The following TTC17 variants were observed in gnomAD, a reference collection of about 807,000 sequenced individuals.
The protein encoded by TTC17 is tetratricopeptide repeat domain 17.
TTC17 carries 58 observed loss-of-function variants against 143.8 expected under a neutral mutation model. The observed-to-expected ratio is 0.40, with a 90% CI of 0.33 to 0.50. The LOEUF (loss-of-function observed/expected upper bound fraction) is 0.50, where lower values mean the gene tolerates loss of function less well. TTC17 is among the 20% of genes least tolerant of loss of function. The pLI is 0.49. For missense variants in TTC17, 1,273 were observed against 1,392.5 expected (o/e 0.91, Z 1.37); for synonymous variants, 501 against 497.8 (o/e 1.01, Z -0.09).
chr11:43,380,294 C>T (rs901328868), intron 2 of TTC17, among the ~76,000 whole-genome samples: 8 of 152,220 alleles, frequency 5.3e-5, no homozygotes, highest in Middle Eastern at 3.4e-3. Flanking sequence ...TCACTCTTGT[C>T]GGCCAGGCTG....
At chr11:43,362,651 C>A (rs976964825) in intron 1 of TTC17, among the ~76,000 whole-genome samples, 2 of 152,132 alleles carry the variant, frequency 1.3e-5, no homozygotes, top group African/African-American at 4.8e-5. Context: ...TTCTTTATTG[C>A]CCAGGCTGAA....
chr11:43,491,206 A>T (rs2134495327), intron 22 of TTC17: 1 of 152,348 alleles, frequency 6.6e-6, no homozygotes, highest in Middle Eastern at 3.4e-3. Flanking sequence ...TGGCTGTCAC[A>T]AAGATGGGTC....
rs1320434892 is a variant in TTC17, at chr11:43,490,260, T to C, written c.3052T>C (p.Ser1018Pro). 2 of 1,612,430 alleles carry C rather than the reference T, an allele frequency of 1.2e-6. No homozygotes were observed. Among genetic ancestry groups the C allele is most frequent in the South Asian group, 1.1e-5 (1 of 90,696 alleles). Reference sequence around the variant, plus strand: ...GCAGAACCAGACGTCCTGGGTCCTCTCCAGCATGGCAGCCCTCTACTGGAG... The same window carrying C: ...GCAGAACCAGACGTCCTGGGTCCTCCCCAGCATGGCAGCCCTCTACTGGAG... The part of the protein sequence containing the change: ...LEKNQTSWVL[S>P]SMAALYWRVK... The change falls in exon 22 of 24, where the codon TCC (serine) becomes CCC (proline). Residue 1018 changes from serine (S) to proline (P), a missense_variant. Physicochemically the swap from Ser to Pro is moderately conservative, Grantham distance 74. Coordinates refer to ENST00000039989, the MANE Select transcript of TTC17 (RefSeq NM_018259.6).
chr11:43,409,793 C>T (rs966834934), intron 15 of TTC17, among the ~76,000 whole-genome samples: 5 of 151,932 alleles, frequency 3.3e-5, no homozygotes, highest in African/African-American at 1.2e-4. Flanking sequence ...TCCGTTGTAA[C>T]GTAAAGTTTT....
At position 43,419,026 on chromosome 11, in the gene TTC17, G is replaced by C. The variant is rs74420371; in HGVS notation, c.2251+4250G>C. Among the ~76,000 whole-genome samples the C allele has an allele frequency of 3.6e-3, 553 of 152,046 alleles. 5 individuals carry two copies. The highest frequency in any genetic ancestry group is 6.1e-3 in the Non-Finnish European group (414 of 67,974). On this transcript the variant is annotated intron_variant, in intron 16 of 23. Transcript: ENST00000039989. Reference sequence around the variant, plus strand: ...TCTTATATTAGCATAAAACCAATAGGTTCTATGTATTAGAATTTTATGCCA... The same window carrying C: ...TCTTATATTAGCATAAAACCAATAGCTTCTATGTATTAGAATTTTATGCCA...
At chr11:43,455,389 A>G (rs1947743900) in intron 21 of TTC17, among the ~76,000 whole-genome samples, 1 of 152,048 alleles carries the variant, frequency 6.6e-6, no homozygotes, top group Admixed American at 6.5e-5. Context: ...TTAATTATAC[A>G]GAAAATCAGT....
At chr11:43,363,770 G>C (rs1856212911) in intron 1 of TTC17, among the ~76,000 whole-genome samples, 1 of 152,202 alleles carries the variant, frequency 6.6e-6, no homozygotes. Context: ...TTAGTCTGCA[G>C]TAGCATGCAA....
At chr11:43,360,908 C>CT (rs574467530) in intron 1 of TTC17, among the ~76,000 whole-genome samples, 2 of 152,186 alleles carry the variant, frequency 1.3e-5, no homozygotes, top group Non-Finnish European at 2.9e-5. Context: ...TATTACATGA[C>CT]TTTTTAAGTG....
chr11:43,369,284 T>G (rs899977764), intron 1 of TTC17, among the ~76,000 whole-genome samples: 1 of 152,214 alleles, frequency 6.6e-6, no homozygotes, highest in Non-Finnish European at 1.5e-5. Flanking sequence ...GAATGGTGAT[T>G]GTTTACAGAC....
Position 43,399,937 on chromosome 11 carries a change from G to C in TTC17, c.1108G>C (p.Asp370His). ...NELKEYQKQH[D>H]HYLRQQEILE... ...GTTAAAAGAGTATCAAAAGCAGCAT[G>C]ACCACTACCTGAGACAGCAGGAAAT... Residue 370 changes from aspartate to histidine, a missense_variant, in exon 9 of 24, where the codon GAC becomes CAC. Physicochemically the swap from Asp to His is moderately conservative, Grantham distance 81. Transcript: ENST00000039989. The C allele has an allele frequency of 6.2e-7, 1 of 1,613,842 alleles. No individual in the cohort carries two copies. The highest frequency in any genetic ancestry group is 8.5e-7 in the Non-Finnish European group (1 of 1,179,892).
intron 15 of TTC17, among the ~76,000 whole-genome samples, chr11:43,413,137 A>G (rs556450153): frequency 3.6e-4 from 55 of 152,320 alleles, no homozygotes; most frequent in African/African-American, 1.3e-3. Context: ...ATACTCAAAC[A>G]TAGCAATGGA....
At chr11:43,402,889 A>C (rs139318759) in intron 10 of TTC17, among the ~76,000 whole-genome samples, 1 of 152,196 alleles carries the variant, frequency 6.6e-6, no homozygotes, top group Non-Finnish European at 1.5e-5. Flanking sequence ...GAGAGCATCT[A>C]TAGGAGGACA....
intron 10 of TTC17, 120 bp from the exon 11 acceptor site, chr11:43,403,878 G>A: frequency 2.5e-6 from 2 of 785,802 alleles, no homozygotes; most frequent in Non-Finnish European, 3.9e-6. Flanking sequence ...TTATTACTGA[G>A]CTACTTTCTG....
At position 43,396,726 on chromosome 11, in the gene TTC17, A is replaced by G. The variant is rs572786383; in HGVS notation, c.681A>G (p.Val227=). 1.3e-6 allele frequency: 2 copies of G among 1,598,020 alleles called. No homozygotes were observed. The highest frequency in any genetic ancestry group is 1.7e-6 in the Non-Finnish European group (2 of 1,168,674). ...ATCTCTAGAACACTTCCTCGTGGGT[A>G]CTGTATAACATGGCTTCATTTTACT... ...EGLQKNTSSW[V]LYNMASFYWR... The change falls in exon 6 of 24, where the codon GTA becomes GTG. Residue 227 remains valine, a synonymous_variant. Transcript: ENST00000039989.
chr11:43,424,945 G>T (rs191826472), intron 16 of TTC17, among the ~76,000 whole-genome samples: 85 of 152,208 alleles, frequency 5.6e-4, no homozygotes, highest in Admixed American at 2.6e-3. Context: ...ATGGTTTGTT[G>T]CTGCAATTGT....
At chr11:43,433,033 G>A (rs998225319) in intron 16 of TTC17, among the ~76,000 whole-genome samples, 14 of 146,410 alleles carry the variant, frequency 9.6e-5, no homozygotes, top group East Asian at 3.9e-4. Context: ...ATGGAATCTC[G>A]CTCTGTCACC....
At chr11:43,421,975 C>T (rs1946916810) in intron 16 of TTC17, among the ~76,000 whole-genome samples, 1 of 151,896 alleles carries the variant, frequency 6.6e-6, no homozygotes, top group African/African-American at 2.4e-5. Flanking sequence ...TAACATAATT[C>T]CTCTGGTTGC....
intron 1 of TTC17, among the ~76,000 whole-genome samples, chr11:43,370,755 TATG>T (rs1315012812): frequency 3.3e-5 from 5 of 151,964 alleles, no homozygotes; most frequent in African/African-American, 1.2e-4. Context: ...ATTCTTAAAA[TATG>T]ATATATAAAC....
intron 16 of TTC17, among the ~76,000 whole-genome samples, chr11:43,424,879 A>T (rs186151963): frequency 5.9e-5 from 9 of 152,314 alleles, no homozygotes; most frequent in Non-Finnish European, 1.2e-4. Context: ...CCCTGTAAGC[A>T]AGAGGGGGTC....
Sources: allele counts gnomAD v4.1 joint callset (sites outside exome capture counted in the v4.1 genomes callset), GRCh38; gene constraint gnomAD v4.1.1; transcripts MANE v1.5; gene names NCBI Gene and HGNC (gene_info 2026-07-23, HGNC 2026-07-21).